SLC8A1: variants seen among roughly 807,000 people sequenced by gnomAD.
The protein encoded by SLC8A1 is sodium/calcium exchanger 1.
A neutral mutation model predicts 68.3 loss-of-function variants in SLC8A1; 18 were observed. The observed-to-expected ratio is 0.26, with a 90% CI of 0.18 to 0.39. The LOEUF (loss-of-function observed/expected upper bound fraction) is 0.39, where lower values mean the gene tolerates loss of function less well. SLC8A1 is among the 10% of genes least tolerant of loss of function. The pLI is 1.00. For missense variants in SLC8A1, 985 were observed against 1,156.7 expected (o/e 0.85, Z 2.15); for synonymous variants, 475 against 415.5 (o/e 1.14, Z -1.74).
At chr2:40,268,984 G>C (rs926769667) in intron 2 of SLC8A1, among the ~76,000 whole-genome samples, 4 of 152,140 alleles carry the variant, frequency 2.6e-5, no homozygotes, top group Non-Finnish European at 5.9e-5. Context: ...AGAACATAAG[G>C]ACTCCAAATA....
At chr2:40,302,731 C>T (rs916203731) in intron 2 of SLC8A1, among the ~76,000 whole-genome samples, 11 of 152,068 alleles carry the variant, frequency 7.2e-5, no homozygotes, top group African/African-American at 2.7e-4. Flanking sequence ...TCTGTAATGA[C>T]TTCTTTTCCT....
intron 2 of SLC8A1, among the ~76,000 whole-genome samples, chr2:40,270,629 T>C (rs1014884275): frequency 2.0e-5 from 3 of 152,226 alleles, no homozygotes; most frequent in African/African-American, 2.4e-5. Context: ...CCCATGTGAT[T>C]AGATTGGAAC....
intron 2 of SLC8A1, among the ~76,000 whole-genome samples, chr2:40,342,179 A>G (rs1328596715): frequency 6.6e-6 from 1 of 152,082 alleles, no homozygotes; most frequent in Non-Finnish European, 1.5e-5. Flanking sequence ...GATAACCCCA[A>G]GGGTTTTAGT....
chr2:40,210,716 T>TTGTGGAGGTGACATCATC (rs2056424846), intron 2 of SLC8A1, among the ~76,000 whole-genome samples: 1 of 152,178 alleles, frequency 6.6e-6, no homozygotes, highest in Non-Finnish European at 1.5e-5. Flanking sequence ...TTGAAGCACT[T>TTGTGGAGGTGACATCATC]ATTGTCATTT....
At chr2:40,256,069 G>T (rs983615217) in intron 2 of SLC8A1, among the ~76,000 whole-genome samples, 1 of 152,168 alleles carries the variant, frequency 6.6e-6, no homozygotes, top group Non-Finnish European at 1.5e-5. Context: ...CGAAGCCACA[G>T]GATGGGTAAC....
exon 8 of SLC8A1, chr2:40,106,482 A>C (rs1006675158): frequency 3.9e-5 from 6 of 152,248 alleles, no homozygotes; most frequent in Admixed American, 2.0e-4. Context: ...AAAAAAAAAA[A>C]CAACTAAATC....
intron 2 of SLC8A1, among the ~76,000 whole-genome samples, chr2:40,326,809 C>A (rs1282259278): frequency 1.3e-5 from 2 of 152,238 alleles, no homozygotes; most frequent in African/African-American, 4.8e-5. Context: ...TTCTCTTAAT[C>A]TAATCTGTTT....
chr2:40,336,837 G>T lies in SLC8A1; in HGVS notation c.1808+91636C>A, dbSNP rs559486227. Among the ~76,000 whole-genome samples, 12 of 152,180 alleles carry T rather than the reference G, an allele frequency of 7.9e-5. 1 individual carries two copies. The South Asian group carries it at 1.5e-3, about 18-fold the overall frequency. On this transcript the variant is annotated intron_variant, in intron 2 of 7. Transcript: ENST00000406785. ...TGTCAGAGATGTCACATGGAATCTT[G>T]ACTCTGCCACTTTCTGTTTAACTCT...
intron 6 of SLC8A1, among the ~76,000 whole-genome samples, chr2:40,158,443 G>A (rs1167310712): frequency 6.6e-6 from 1 of 152,206 alleles, no homozygotes; most frequent in Admixed American, 6.6e-5. Context: ...CCAGCAGCCT[G>A]CGAATTTCTA....
intron 2 of SLC8A1, among the ~76,000 whole-genome samples, chr2:40,310,108 T>C (rs2073406409): frequency 6.6e-6 from 1 of 152,238 alleles, no homozygotes; most frequent in African/African-American, 2.4e-5. Flanking sequence ...TGTTTTCAAG[T>C]TTATTCATGT....
chr2:40,145,016 T>A (rs946474528), intron 6 of SLC8A1, among the ~76,000 whole-genome samples: 1 of 152,178 alleles, frequency 6.6e-6, no homozygotes, highest in African/African-American at 2.4e-5. Context: ...TCTCTAAACA[T>A]GTGCATCCTT....
intron 2 of SLC8A1, among the ~76,000 whole-genome samples, chr2:40,217,157 A>G (rs1048734764): frequency 6.6e-6 from 1 of 152,014 alleles, no homozygotes; most frequent in Non-Finnish European, 1.5e-5. Flanking sequence ...TCTTGAGTTG[A>G]TTTTTGTATA....
chr2:40,146,516 C>T lies in SLC8A1; in HGVS notation c.2162-6840G>A, dbSNP rs72791102. On this transcript the variant is annotated intron_variant, in intron 6 of 7. Transcript: ENST00000406785. ...TTTGATGGTTTTGGGATGATTCAAG[C>T]ACATTACATGTATTTTGCACTTTAT... Among the ~76,000 whole-genome samples the T allele has an allele frequency of 4.1e-3, 629 of 152,142 alleles. 3 individuals carry two copies. Among genetic ancestry groups the T allele is most frequent in the Middle Eastern group, 6.8e-3 (2 of 294 alleles).
At chr2:40,258,814 C>A (rs1221003736) in intron 2 of SLC8A1, among the ~76,000 whole-genome samples, 1 of 151,844 alleles carries the variant, frequency 6.6e-6, no homozygotes, top group African/African-American at 2.4e-5. Context: ...TGCACACCAG[C>A]CTGGGCAACA....
chr2:40,388,035 A>G (rs909376667), intron 2 of SLC8A1, among the ~76,000 whole-genome samples: 3 of 151,948 alleles, frequency 2.0e-5, no homozygotes, highest in African/African-American at 7.2e-5. Flanking sequence ...TGTATCTCAA[A>G]TTGGCATCTC....
Position 40,280,957 on chromosome 2 carries a change from T to A in SLC8A1, c.1809-103102A>T, listed in dbSNP as rs374611624. 1.4e-3 allele frequency among the ~76,000 whole-genome samples: 211 copies of A among 152,342 alleles called. 1 individual carries two copies. Among genetic ancestry groups the A allele is most frequent in the African/African-American group, 4.6e-3 (193 of 41,590 alleles). ...TTGTCTGTACTTCTGTTAGCATGAA[T>A]AGAATGAATTTTTATTGCTTATCTT... On this transcript the variant is annotated intron_variant, in intron 2 of 7. Coordinates refer to ENST00000406785, the Ensembl canonical transcript of SLC8A1.
chr2:40,207,678 T>G (rs544053138), intron 2 of SLC8A1, among the ~76,000 whole-genome samples: 1 of 152,156 alleles, frequency 6.6e-6, no homozygotes, highest in Non-Finnish European at 1.5e-5. Context: ...GTCCCCATAT[T>G]ACAGATTCTG....
chr2:40,172,479 A>C (rs139110902), intron 4 of SLC8A1, among the ~76,000 whole-genome samples: 1 of 152,292 alleles, frequency 6.6e-6, no homozygotes, highest in African/African-American at 2.4e-5. Context: ...GTAGGAGGTG[A>C]TTCTGTCATC....
chr2:40,188,533 G>T (rs430314), intron 2 of SLC8A1, among the ~76,000 whole-genome samples: 99 of 152,242 alleles, frequency 6.5e-4, no homozygotes, highest in African/African-American at 2.3e-3. Context: ...AACATTCCTG[G>T]AAGGTCATCA....
Sources: allele counts gnomAD v4.1 joint callset (sites outside exome capture counted in the v4.1 genomes callset), GRCh38; gene constraint gnomAD v4.1.1; transcripts MANE v1.5; gene names NCBI Gene and HGNC (gene_info 2026-07-23, HGNC 2026-07-21).